The following POU2F2 variants were observed in gnomAD, a reference collection of about 807,000 sequenced individuals.
POU2F2 encodes POU class 2 homeobox 2, also known as POU domain, class 2, transcription factor 2.
POU2F2 carries 14 observed loss-of-function variants against 63.5 expected under a neutral mutation model. That is an observed-to-expected ratio of 0.22 (90% CI 0.15 to 0.34). The LOEUF (loss-of-function observed/expected upper bound fraction) is 0.34. POU2F2 is among the 10% of genes least tolerant of loss of function. The pLI, the probability that POU2F2 is intolerant of heterozygous loss-of-function variation, is 1.00. For synonymous variants in POU2F2, 306 were observed against 348.6 expected (o/e 0.88, Z 1.36); for missense variants, 607 against 815.2 (o/e 0.74, Z 3.11).
intron 2 of POU2F2, chr19:42,160,198 C>T (rs914687916): frequency 1.3e-5 from 2 of 152,156 alleles, no homozygotes; most frequent in Admixed American, 6.5e-5. Context: ...AGATTCTAAC[C>T]TCTGGGTGGG....
chr19:42,173,754 C>A (rs1169399349), intron 1 of POU2F2, among the ~76,000 whole-genome samples: 1 of 152,054 alleles, frequency 6.6e-6, no homozygotes, highest in African/African-American at 2.4e-5. Flanking sequence ...GCAACCAAGA[C>A]CCCCAAAGAT....
At chr19:42,195,713 TCCA>T (rs1463432580) in intron 1 of POU2F2, among the ~76,000 whole-genome samples, 1 of 145,008 alleles carries the variant, frequency 6.9e-6, no homozygotes, top group African/African-American at 2.6e-5. Flanking sequence ...TTTCCTTCCT[TCCA>T]CCACCTTCCC....
rs141952008 is a variant in POU2F2, at chr19:42,189,726, G to C, written c.-70+6657C>G. Among the ~76,000 whole-genome samples, 10 of 152,012 alleles carry C rather than the reference G, an allele frequency of 6.6e-5. No homozygotes were observed. The East Asian group carries it at 1.7e-3, about 26-fold the overall frequency. On this transcript the variant is annotated intron_variant, in intron 1 of 5. Coordinates refer to the POU2F2 transcript ENST00000532176. ...AGGTAGAGGTTTTTTTGAGTGCGGC[G>C]GGGGGAGTTTGTTTTGTTTCTTTGT... is the stretch of plus-strand genomic sequence containing the variant.
chr19:42,189,708 G>C (rs1044938791), intron 1 of POU2F2, among the ~76,000 whole-genome samples: 1 of 152,118 alleles, frequency 6.6e-6, no homozygotes, highest in African/African-American at 2.4e-5. Flanking sequence ...GGAAGGTAGA[G>C]GTTTTTTTGA....
intron 5 of POU2F2, among the ~76,000 whole-genome samples, chr19:42,100,393 T>C (rs961704422): frequency 1.3e-5 from 2 of 151,548 alleles, no homozygotes; most frequent in African/African-American, 2.4e-5. Flanking sequence ...CCGGCTACCC[T>C]TTCTTTCTTG....
chr19:42,094,729 A>G (rs1204657518), intron 11 of POU2F2, among the ~76,000 whole-genome samples: 2 of 152,148 alleles, frequency 1.3e-5, no homozygotes, highest in African/African-American at 4.8e-5. Flanking sequence ...GTGGCTGGCT[A>G]ACTCTCCCTT....
intron 1 of POU2F2, among the ~76,000 whole-genome samples, chr19:42,194,263 GT>G: frequency 6.6e-6 from 1 of 152,098 alleles, no homozygotes. Context: ...GTGCATGCCT[GT>G]AGTCCCAGCT....
At chr19:42,192,716 G>C (rs2035087165) in intron 1 of POU2F2, among the ~76,000 whole-genome samples, 1 of 152,020 alleles carries the variant, frequency 6.6e-6, no homozygotes, top group Admixed American at 6.5e-5. Flanking sequence ...CCTCATTCAA[G>C]AAAGAGCAGA....
rs2032008439 is a variant in POU2F2 at position 42,117,072 on chromosome 19, G to A, written c.369+178C>T. 4.5e-6 allele frequency: 3 copies of A among 668,692 alleles called. No individual in the cohort carries two copies. The highest frequency in any genetic ancestry group is 8.1e-6 in the Non-Finnish European group (3 of 372,490). 41.4% of individuals were successfully genotyped at this position (668,692 alleles called of 1,614,324 possible). On this transcript the variant is annotated intron_variant, in intron 5 of 14. Coordinates refer to ENST00000692977, the MANE Select transcript of POU2F2 (RefSeq NM_001394376.1). The surrounding 1 kb of genome is among the most constrained non-coding windows in gnomAD (Gnocchi z 4.4). ...GAAGAGGAGCAGAGAAGGCAGAGAG[G>A]GGTTAGTGCCTAAGCCAAGCAAGTA... is the stretch of plus-strand genomic sequence containing the variant.
At chr19:42,157,126 G>C (rs1436152910) in intron 2 of POU2F2, 1 of 152,258 alleles carries the variant, frequency 6.6e-6, no homozygotes, top group Non-Finnish European at 1.5e-5. Flanking sequence ...GATACCCAGG[G>C]GACTGTAGCT....
intron 1 of POU2F2, among the ~76,000 whole-genome samples, chr19:42,187,737 G>A (rs1400733014): frequency 7.2e-6 from 1 of 139,494 alleles, no homozygotes; most frequent in Non-Finnish European, 1.5e-5. Flanking sequence ...ATTCCGGTCT[G>A]ACCGACAGAG....
intron 1 of POU2F2, among the ~76,000 whole-genome samples, chr19:42,195,096 A>AGGAC: frequency 1.4e-5 from 1 of 69,938 alleles, no homozygotes; most frequent in Non-Finnish European, 2.7e-5. Flanking sequence ...GAAGGGAGGA[A>AGGAC]GGAAGGGAGG....
intron 7 of POU2F2, among the ~76,000 whole-genome samples, chr19:42,098,430 CAAAA>C (rs989747347): frequency 4.3e-5 from 6 of 140,128 alleles, no homozygotes; most frequent in South Asian, 2.3e-4. Context: ...AAAAAAAAAA[CAAAA>C]AGAAAGAAAG....
At chr19:42,189,001 T>C (rs549345885) in intron 1 of POU2F2, among the ~76,000 whole-genome samples, 1 of 151,568 alleles carries the variant, frequency 6.6e-6, no homozygotes, top group East Asian at 1.9e-4. Flanking sequence ...GAAAGATTTC[T>C]AAAAGAGAGG....
chr19:42,182,341 G>A (rs571484884), intron 1 of POU2F2, among the ~76,000 whole-genome samples: 1 of 152,044 alleles, frequency 6.6e-6, no homozygotes, highest in African/African-American at 2.4e-5. Context: ...CACAGGCAGA[G>A]GGAGATGTGG....
upstream of POU2F2, among the ~76,000 whole-genome samples, chr19:42,196,817 G>A (rs1395786921): frequency 1.3e-5 from 2 of 152,268 alleles, no homozygotes; most frequent in Non-Finnish European, 2.9e-5. Flanking sequence ...AGTGCACTGC[G>A]CCAGCGCAGA....
chr19:42,132,559 A>C, upstream of POU2F2: 1 of 673,206 alleles, frequency 1.5e-6, no homozygotes, highest in Non-Finnish European at 2.2e-6. Flanking sequence ...TGGCCCACAG[A>C]CCCGCCCCGG....
intron 2 of POU2F2, among the ~76,000 whole-genome samples, chr19:42,150,810 G>C (rs1282983647): frequency 6.6e-6 from 1 of 152,082 alleles, no homozygotes; most frequent in Non-Finnish European, 1.5e-5. Flanking sequence ...CCGGGTGGGG[G>C]TGGGGTGGGG....
At chr19:42,101,155 T>C (rs2077127033) in intron 5 of POU2F2, among the ~76,000 whole-genome samples, 1 of 152,076 alleles carries the variant, frequency 6.6e-6, no homozygotes, top group Non-Finnish European at 1.5e-5. Flanking sequence ...AGGCAAATGA[T>C]TTCATGTCTG....
Sources: allele counts gnomAD v4.1 joint callset (sites outside exome capture counted in the v4.1 genomes callset), GRCh38; gene constraint gnomAD v4.1.1; non-coding constraint Gnocchi (gnomAD v3.1); transcripts MANE v1.5; gene names NCBI Gene and HGNC (gene_info 2026-07-23, HGNC 2026-07-21).